The following EML6 variants were observed in gnomAD, a reference collection of about 807,000 sequenced individuals.
EML6 encodes EMAP like 6.
In EML6, 154 loss-of-function variants were observed where a neutral mutation model predicts 240.1. The ratio of observed to expected loss-of-function variants is 0.64; its 90% CI spans 0.56 to 0.73. EML6 has a LOEUF of 0.73. EML6 is among the 30% of genes least tolerant of loss of function. EML6 has a pLI of 0.00. For missense variants in EML6, 2,964 were observed against 2,474.6 expected (o/e 1.20, Z -4.20); for synonymous variants, 1,148 against 899.0 (o/e 1.28, Z -4.95).
At chr2:54,890,173 A>G (rs1401749816) in intron 17 of EML6, among the ~76,000 whole-genome samples, 1 of 152,182 alleles carries the variant, frequency 6.6e-6, no homozygotes, top group East Asian at 1.9e-4. Flanking sequence ...ACATCTATTA[A>G]TATGATCAAT....
intron 24 of EML6, among the ~76,000 whole-genome samples, chr2:54,903,773 TATC>T (rs1673178292): frequency 6.6e-6 from 1 of 152,228 alleles, no homozygotes; most frequent in South Asian, 2.1e-4. Context: ...TGCCTTTTGT[TATC>T]ATAGCAAGCC....
chr2:54,964,987 T>A (rs1206561178), intron 38 of EML6, among the ~76,000 whole-genome samples: 1 of 152,242 alleles, frequency 6.6e-6, no homozygotes. Flanking sequence ...CCTAATCATC[T>A]TTAATCTGCC....
chr2:54,898,883 C>T (rs1004698711), intron 21 of EML6, among the ~76,000 whole-genome samples: 2 of 152,196 alleles, frequency 1.3e-5, no homozygotes, highest in African/African-American at 2.4e-5. Flanking sequence ...TTCATTTTCT[C>T]CCTGTTAAGT....
chr2:54,884,142 C>T (rs570769943), intron 17 of EML6, among the ~76,000 whole-genome samples: 8 of 152,110 alleles, frequency 5.3e-5, no homozygotes, highest in Non-Finnish European at 8.8e-5. Context: ...TTTCTGAGAC[C>T]GTTCCCCTCA....
chr2:54,859,374 T>C (rs997147427), intron 11 of EML6, among the ~76,000 whole-genome samples, 160 bp from the exon 12 acceptor site: 3 of 152,256 alleles, frequency 2.0e-5, no homozygotes, highest in African/African-American at 7.2e-5. Flanking sequence ...TTGAGATATA[T>C]TTTGAAGCAT....
Position 54,935,440 on chromosome 2 carries a change from G to A in EML6, c.4004+6689G>A, listed in dbSNP as rs528500668. On this transcript the variant is annotated intron_variant, in intron 28 of 41. Coordinates refer to ENST00000356458, the MANE Select transcript of EML6 (RefSeq NM_001039753.4). ...TACTATCATTTGTAACTACTTTTGCGTATGTTTTTATTACCTAGTATTATA... is the reference window on the plus strand; with the variant it reads ...TACTATCATTTGTAACTACTTTTGCATATGTTTTTATTACCTAGTATTATA... Among the ~76,000 whole-genome samples, 10 of 152,224 alleles carry A rather than the reference G, an allele frequency of 6.6e-5. No individual in the cohort carries two copies. The South Asian group carries it at 1.5e-3, about 22-fold the overall frequency.
chr2:54,970,205 T>C lies in EML6; in HGVS notation c.*110T>C, dbSNP rs932938852. 23 of 1,030,044 alleles carry C rather than the reference T, an allele frequency of 2.2e-5. No homozygotes were observed. In the African/African-American group the frequency reaches 3.7e-4, roughly 16 times the overall value. The allele number at this position is 1,030,044 out of a possible 1,614,324, so 63.8% of individuals were successfully genotyped here. Reference sequence around the variant, plus strand: ...AGCCGTTGGGAAATGCCTACCATGCTGCCCCGGATGCACAAGCTCAAAACG... The same window carrying C: ...AGCCGTTGGGAAATGCCTACCATGCCGCCCCGGATGCACAAGCTCAAAACG... On this transcript the variant is annotated 3_prime_UTR_variant, in exon 42 of 42. Coordinates refer to ENST00000356458, the MANE Select transcript of EML6 (RefSeq NM_001039753.4).
intron 2 of EML6, among the ~76,000 whole-genome samples, chr2:54,804,683 C>G (rs1273921295): frequency 6.6e-6 from 1 of 152,198 alleles, no homozygotes; most frequent in Admixed American, 6.5e-5. Flanking sequence ...AATGGAGACA[C>G]AAAATAACAG....
chr2:54,886,426 C>T (rs1181958666), intron 17 of EML6, among the ~76,000 whole-genome samples: 1 of 152,066 alleles, frequency 6.6e-6, no homozygotes, highest in Non-Finnish European at 1.5e-5. Flanking sequence ...CACCTCAGCC[C>T]CCCAGAGTGT....
chr2:54,824,050 T>G (rs1198438467), intron 5 of EML6, among the ~76,000 whole-genome samples: 1 of 152,162 alleles, frequency 6.6e-6, no homozygotes, highest in Non-Finnish European at 1.5e-5. Flanking sequence ...CTCTGACTCC[T>G]ATAGAGCTCT....
At chr2:54,798,027 A>G (rs755376185) in intron 2 of EML6, among the ~76,000 whole-genome samples, 1 of 152,190 alleles carries the variant, frequency 6.6e-6, no homozygotes, top group Non-Finnish European at 1.5e-5. Flanking sequence ...GTCAATTTCT[A>G]TAAAAAAGCT....
intron 7 of EML6, among the ~76,000 whole-genome samples, chr2:54,838,877 G>A (rs941819184): frequency 6.6e-6 from 1 of 152,192 alleles, no homozygotes; most frequent in African/African-American, 2.4e-5. Context: ...AAGTAACAAT[G>A]ATGTGTATTT....
intron 3 of EML6, among the ~76,000 whole-genome samples, chr2:54,814,238 T>C (rs1415979955): frequency 6.6e-6 from 1 of 152,192 alleles, no homozygotes; most frequent in Non-Finnish European, 1.5e-5. Flanking sequence ...TGTTTGTACC[T>C]CTGGGCCCTG....
At chr2:54,805,956 C>A (rs1291753616) in intron 2 of EML6, among the ~76,000 whole-genome samples, 1 of 152,098 alleles carries the variant, frequency 6.6e-6, no homozygotes, top group Admixed American at 6.5e-5. Flanking sequence ...ATGAGTTGAT[C>A]ATATAAATGT....
chr2:54,948,853 G>T (rs1264799245), intron 28 of EML6, 29 bp from the exon 29 acceptor site: 1 of 1,536,110 alleles, frequency 6.5e-7, no homozygotes, highest in Admixed American at 2.0e-5. Flanking sequence ...GTTCAATGCT[G>T]TGCTTCCTCT....
chr2:54,778,425 C>T (rs1385629682), intron 2 of EML6, among the ~76,000 whole-genome samples: 1 of 152,122 alleles, frequency 6.6e-6, no homozygotes, highest in Non-Finnish European at 1.5e-5. Flanking sequence ...CCCTCCCAAA[C>T]TGGGGCTGAA....
intron 26 of EML6, among the ~76,000 whole-genome samples, chr2:54,919,932 C>T (rs1431155961): frequency 6.6e-6 from 1 of 152,194 alleles, no homozygotes; most frequent in Non-Finnish European, 1.5e-5. Flanking sequence ...TTTGCACATT[C>T]ATCTTCTGTG....
intron 2 of EML6, among the ~76,000 whole-genome samples, chr2:54,745,606 G>A (rs1312959300): frequency 6.6e-6 from 1 of 151,990 alleles, no homozygotes; most frequent in Admixed American, 6.6e-5. Context: ...GCAAGACTCC[G>A]CCTCTACAAA....
chr2:54,821,607 A>G (rs1353077661), intron 5 of EML6, among the ~76,000 whole-genome samples: 1 of 152,274 alleles, frequency 6.6e-6, no homozygotes, highest in South Asian at 2.1e-4. Flanking sequence ...AAGAATCATG[A>G]AGAGGATATA....
Sources: allele counts gnomAD v4.1 joint callset (sites outside exome capture counted in the v4.1 genomes callset), GRCh38; gene constraint gnomAD v4.1.1; transcripts MANE v1.5; gene names NCBI Gene and HGNC (gene_info 2026-07-23, HGNC 2026-07-21).